Variants in PIP4K2A observed in about 807,000 individuals in gnomAD.
PIP4K2A encodes the protein phosphatidylinositol-5-phosphate 4-kinase type 2 alpha.
Under a neutral mutation model 42.9 loss-of-function variants are expected in PIP4K2A, and 14 were observed. That is an observed-to-expected ratio of 0.33 (90% CI 0.22 to 0.51). The LOEUF is 0.51. Among genes scored for constraint, PIP4K2A ranks in the 20% least tolerant of loss-of-function variants. PIP4K2A has a pLI of 0.97. For synonymous variants in PIP4K2A, 192 were observed against 192.2 expected, an observed-to-expected ratio of 1.00 and a Z score of 0.01; for missense variants, 434 against 519.8, an observed-to-expected ratio of 0.83 and a Z score of 1.61.
intron 3 of PIP4K2A, among the ~76,000 whole-genome samples, chr10:22,595,410 T>C (rs565860145): frequency 6.6e-6 from 1 of 152,368 alleles, no homozygotes; most frequent in Non-Finnish European, 1.5e-5. Context: ...TAAAATTGTT[T>C]ATGTATTTTT....
At chr10:22,623,142 C>G (rs540364552) in intron 1 of PIP4K2A, among the ~76,000 whole-genome samples, 3 of 151,706 alleles carry the variant, frequency 2.0e-5, no homozygotes, top group Non-Finnish European at 4.4e-5. Flanking sequence ...GATAGAGATG[C>G]GTTTAATGTG....
chr10:22,608,141 A>AC, intron 2 of PIP4K2A, 118 bp from the exon 3 acceptor site: 1 of 622,050 alleles, frequency 1.6e-6, no homozygotes, highest in Non-Finnish European at 2.9e-6. Flanking sequence ...TACCAAAAGC[A>AC]CAGGTGTGCT....
intron 7 of PIP4K2A, among the ~76,000 whole-genome samples, chr10:22,547,262 T>C (rs1836279906): frequency 1.3e-5 from 2 of 152,258 alleles, no homozygotes; most frequent in African/African-American, 4.8e-5. Flanking sequence ...TTAAAAATTA[T>C]AATCCTCCTT....
intron 1 of PIP4K2A, among the ~76,000 whole-genome samples, chr10:22,669,299 T>C (rs1289743095): frequency 1.3e-5 from 2 of 152,162 alleles, no homozygotes; most frequent in Non-Finnish European, 2.9e-5. Flanking sequence ...ACACAGCCTA[T>C]ACACGACGGT....
intron 7 of PIP4K2A, 94 bp downstream of exon 7, chr10:22,550,565 T>A: frequency 1.3e-6 from 1 of 774,322 alleles, no homozygotes. Flanking sequence ...TTTGCCTTGA[T>A]TGAAGATTTA....
intron 1 of PIP4K2A, among the ~76,000 whole-genome samples, chr10:22,617,684 A>G (rs1404256600): frequency 6.6e-6 from 1 of 152,164 alleles, no homozygotes; most frequent in African/African-American, 2.4e-5. Flanking sequence ...CCTTGTGTGG[A>G]GCCCCTGTTG....
intron 3 of PIP4K2A, among the ~76,000 whole-genome samples, chr10:22,600,094 G>C (rs1837721649): frequency 6.6e-6 from 1 of 152,112 alleles, no homozygotes; most frequent in Admixed American, 6.6e-5. Flanking sequence ...TCTCATAAAA[G>C]TGTCCTCATT....
Position 22,609,729 on chromosome 10 carries a change from T to A in PIP4K2A, c.145-12A>T. The stretch of plus-strand genomic sequence containing the variant: ...CTCAGTTCATTGATCTGGAAAAATA[T>A]AAAATAAATAGCATGGGTTATTACT... On this transcript the variant is annotated splice_polypyrimidine_tract_variant and intron_variant, in intron 1 of 9. Coordinates refer to ENST00000376573, the MANE Select transcript of PIP4K2A (RefSeq NM_005028.5). The A allele has an allele frequency of 6.7e-7, 1 of 1,490,776 alleles. No individual in the cohort carries two copies. The highest frequency in any genetic ancestry group is 9.3e-7 in the Non-Finnish European group (1 of 1,072,364). The allele number at this position is 1,490,776 out of a possible 1,614,324, so 92.3% of individuals were successfully genotyped here.
At chr10:22,639,848 C>T (rs181963263) in intron 1 of PIP4K2A, among the ~76,000 whole-genome samples, 28 of 152,074 alleles carry the variant, frequency 1.8e-4, no homozygotes, top group African/African-American at 6.0e-4. Flanking sequence ...TCTTCAGCCA[C>T]GTAAATTCAC....
At chr10:22,605,297 C>T (rs1052952139) in intron 3 of PIP4K2A, among the ~76,000 whole-genome samples, 1 of 152,050 alleles carries the variant, frequency 6.6e-6, no homozygotes, top group Admixed American at 6.5e-5. Flanking sequence ...TCACACCACT[C>T]TCCCCAACAG....
At chr10:22,680,232 T>C (rs1209923770) in intron 1 of PIP4K2A, among the ~76,000 whole-genome samples, 1 of 152,150 alleles carries the variant, frequency 6.6e-6, no homozygotes, top group South Asian at 2.1e-4. Context: ...TTTTGAAATA[T>C]GCTTGTTTAC....
chr10:22,573,173 G>A (rs974048420), intron 5 of PIP4K2A, 138 bp downstream of exon 5: 1 of 716,738 alleles, frequency 1.4e-6, no homozygotes, highest in Non-Finnish European at 2.3e-6. Context: ...TGCCTCACAG[G>A]AAGGAATACA....
rs959977954 is a variant in PIP4K2A, at chr10:22,713,552, A to T, written c.144+631T>A. 5.9e-5 allele frequency among the ~76,000 whole-genome samples: 9 copies of T among 152,340 alleles called. No individual in the cohort carries two copies. In the South Asian group the frequency reaches 1.9e-3, roughly 32 times the overall value. ...AGGGATGCCGCCCGACGCCAGAGCC[A>T]TATTTACATCGGCTGCTGCTTTGCC... On this transcript the variant is annotated intron_variant, in intron 1 of 9. Coordinates refer to ENST00000376573, the MANE Select transcript of PIP4K2A (RefSeq NM_005028.5).
chr10:22,698,434 C>A (rs1192893719), intron 1 of PIP4K2A, among the ~76,000 whole-genome samples: 1 of 152,098 alleles, frequency 6.6e-6, no homozygotes, highest in Non-Finnish European at 1.5e-5. Flanking sequence ...TACCCTTTGA[C>A]CAAGTAAATT....
Position 22,568,721 on chromosome 10 carries a change from C to T in PIP4K2A, c.640-832G>A, listed in dbSNP as rs567583869. Among the ~76,000 whole-genome samples, 19 of 152,226 alleles carry T rather than the reference C, an allele frequency of 1.2e-4. No homozygotes were observed. In the South Asian group the frequency reaches 3.9e-3, roughly 32 times the overall value. On this transcript the variant is annotated intron_variant, in intron 5 of 9. Transcript: ENST00000376573. ...GTAGAGTCCAAGCAGAGAAACTTCC[C>T]GTGGCTTGTGGAAGATTTTAATTCA...
intron 1 of PIP4K2A, among the ~76,000 whole-genome samples, chr10:22,673,014 G>C (rs1378694375): frequency 6.6e-6 from 1 of 152,108 alleles, no homozygotes; most frequent in Non-Finnish European, 1.5e-5. Flanking sequence ...CTCATTTCCT[G>C]TCTCCCTGTC....
intron 6 of PIP4K2A, among the ~76,000 whole-genome samples, chr10:22,565,694 C>A (rs1836829927): frequency 6.6e-6 from 1 of 152,230 alleles, no homozygotes; most frequent in South Asian, 2.1e-4. Flanking sequence ...ACCTTAAACT[C>A]TGACCACCAG....
intron 1 of PIP4K2A, among the ~76,000 whole-genome samples, chr10:22,635,040 G>A (rs1381032061): frequency 6.6e-6 from 1 of 152,104 alleles, no homozygotes; most frequent in African/African-American, 2.4e-5. Flanking sequence ...TCATAGGTGA[G>A]CAACAGAAAC....
chr10:22,688,001 G>A (rs1019677528), intron 1 of PIP4K2A, among the ~76,000 whole-genome samples: 1 of 152,018 alleles, frequency 6.6e-6, no homozygotes, highest in South Asian at 2.1e-4. Context: ...CAAATATACA[G>A]AGTAAAATTA....
Sources: gnomAD v4.1 joint callset for allele counts (sites outside exome capture counted in the v4.1 genomes callset) on GRCh38, gnomAD v4.1.1 for gene constraint, MANE v1.5 for transcripts, NCBI Gene and HGNC (gene_info 2026-07-23, HGNC 2026-07-21) for gene names.